MCPH1: variants seen among roughly 807,000 people sequenced by gnomAD.
The protein encoded by MCPH1 is microcephalin 1.
MCPH1 carries 104 observed loss-of-function variants against 84.5 expected under a neutral mutation model. The ratio of observed to expected loss-of-function variants is 1.23; its 90% CI spans 1.05 to 1.45. The LOEUF (loss-of-function observed/expected upper bound fraction) is 1.45, where lower values mean the gene tolerates loss of function less well. Ranked by LOEUF, MCPH1 falls within the 40% of genes most tolerant of loss-of-function variation. The pLI, the probability that MCPH1 is intolerant of heterozygous loss-of-function variation, is 0.00. For missense variants in MCPH1, 1,498 were observed against 1,005.7 expected (o/e 1.49, Z -6.62); for synonymous variants, 514 against 366.8 (o/e 1.40, Z -4.58).
chr8:6,554,395 T>C (rs1476579555), intron 12 of MCPH1, among the ~76,000 whole-genome samples: 1 of 152,110 alleles, frequency 6.6e-6, no homozygotes, highest in African/African-American at 2.4e-5. Context: ...ATGATTATAA[T>C]TTATCAGCCC....
At chr8:6,563,846 C>T (rs1004622215) in intron 12 of MCPH1, among the ~76,000 whole-genome samples, 4 of 152,102 alleles carry the variant, frequency 2.6e-5, no homozygotes, top group Non-Finnish European at 4.4e-5. Context: ...AGTTTCTGAG[C>T]TCTGACCTTT....
intron 12 of MCPH1, among the ~76,000 whole-genome samples, chr8:6,605,439 G>C (rs922577440): frequency 1.3e-5 from 2 of 152,210 alleles, no homozygotes; most frequent in African/African-American, 4.8e-5. Context: ...TGCGATGGGA[G>C]TTTGCATTTT....
At chr8:6,432,431 C>A (rs1801982739) in intron 4 of MCPH1, among the ~76,000 whole-genome samples, 1 of 152,140 alleles carries the variant, frequency 6.6e-6, no homozygotes, top group Admixed American at 6.5e-5. Flanking sequence ...CTGGAACTTG[C>A]AGATACAGAG....
At chr8:6,538,568 C>G (rs112171365) in intron 12 of MCPH1, among the ~76,000 whole-genome samples, 1 of 152,204 alleles carries the variant, frequency 6.6e-6, no homozygotes, top group African/African-American at 2.4e-5. Context: ...GCTGTCCCAG[C>G]TGCCCAGCGG....
intron 13 of MCPH1, among the ~76,000 whole-genome samples, chr8:6,639,482 A>C (rs536071598): frequency 3.3e-5 from 5 of 152,068 alleles, no homozygotes; most frequent in Non-Finnish European, 7.4e-5. Context: ...GCAACATAGA[A>C]AGACCGTGTC....
At chr8:6,409,470 G>T (rs1798234043) in intron 2 of MCPH1, 100 bp downstream of exon 2, 3 of 977,522 alleles carry the variant, frequency 3.1e-6, no homozygotes, top group Non-Finnish European at 4.9e-6. Flanking sequence ...CTTAGAATCT[G>T]GACGAAGCAA....
chr8:6,492,185 G>A (rs917605221), intron 11 of MCPH1, among the ~76,000 whole-genome samples: 6 of 152,196 alleles, frequency 3.9e-5, no homozygotes, highest in Admixed American at 6.5e-5. Context: ...GGTGTGTGAT[G>A]GTATCTCATT....
chr8:6,505,771 A>G (rs1813517468), intron 12 of MCPH1, among the ~76,000 whole-genome samples: 2 of 132,832 alleles, frequency 1.5e-5, no homozygotes, highest in Admixed American at 8.0e-5. Flanking sequence ...TAGAATATAT[A>G]TATTCTTTAT....
chr8:6,528,460 G>C (rs1355616537), intron 12 of MCPH1, among the ~76,000 whole-genome samples: 4 of 152,094 alleles, frequency 2.6e-5, no homozygotes, highest in Non-Finnish European at 5.9e-5. Flanking sequence ...TTTTAGCCTG[G>C]GATTTCCTCA....
chr8:6,447,033 A>C, intron 8 of MCPH1: 1 of 985,256 alleles, frequency 1.0e-6, no homozygotes. Flanking sequence ...GCCCGGGTGC[A>C]AGAAAACATT....
chr8:6,532,444 T>A, intron 12 of MCPH1: 1 of 1,614,070 alleles, frequency 6.2e-7, no homozygotes, highest in Non-Finnish European at 8.5e-7. Flanking sequence ...CTGCTGTATC[T>A]CTACCATTTC....
chr8:6,601,764 C>G lies in MCPH1; in HGVS notation c.2215-19690C>G, dbSNP rs540660582. On this transcript the variant is annotated intron_variant, in intron 12 of 13. Transcript: ENST00000344683. ...CATATACCCACACCACACACACACA[C>G]ACACCCAATCACGTACCACATATAC... Among the ~76,000 whole-genome samples the G allele has an allele frequency of 2.2e-3, 327 of 151,352 alleles. 31 individuals are homozygous for G. Among genetic ancestry groups the G allele is most frequent in the African/African-American group, 7.6e-3 (314 of 41,316 alleles).
intron 12 of MCPH1, among the ~76,000 whole-genome samples, chr8:6,542,105 T>C (rs1388901131): frequency 6.6e-6 from 1 of 151,684 alleles, no homozygotes; most frequent in Non-Finnish European, 1.5e-5. Context: ...TAGGCTACAA[T>C]ATACCAGGAA....
At chr8:6,530,405 A>G (rs1308936260) in intron 12 of MCPH1, among the ~76,000 whole-genome samples, 2 of 150,234 alleles carry the variant, frequency 1.3e-5, no homozygotes, top group Non-Finnish European at 3.0e-5. Context: ...GCTACGCGGG[A>G]GGCTAAGGCA....
chr8:6,480,914 G>A, intron 11 of MCPH1, 38 bp downstream of exon 11: 3 of 1,609,146 alleles, frequency 1.9e-6, no homozygotes, highest in Non-Finnish European at 2.5e-6. Context: ...TTAAAACAAG[G>A]CATTTTGATA....
chr8:6,555,427 G>T (rs1355298787), intron 12 of MCPH1, among the ~76,000 whole-genome samples: 3 of 151,108 alleles, frequency 2.0e-5, no homozygotes, highest in Admixed American at 6.6e-5. Context: ...ACTTCCTCTT[G>T]GTTATAACAT....
chr8:6,523,088 C>G (rs913529424), intron 12 of MCPH1, among the ~76,000 whole-genome samples: 1 of 152,018 alleles, frequency 6.6e-6, no homozygotes, highest in Admixed American at 6.5e-5. Context: ...ACCTTCACCT[C>G]CCAGGTTCAA....
At chr8:6,505,261 T>C (rs374763293) in intron 12 of MCPH1, among the ~76,000 whole-genome samples, 4,676 of 116,250 alleles carry the variant, frequency 0.04, 951 homozygotes, top group African/African-American at 0.11. Flanking sequence ...TTATATATGT[T>C]TTATATATAT....
intron 3 of MCPH1, among the ~76,000 whole-genome samples, chr8:6,430,066 A>G (rs1801619358): frequency 6.6e-6 from 1 of 152,228 alleles, no homozygotes; most frequent in African/African-American, 2.4e-5. Flanking sequence ...CTCTGCTTCC[A>G]GATGGAAGAT....
Sources: gnomAD v4.1 joint callset for allele counts (sites outside exome capture counted in the v4.1 genomes callset) on GRCh38, gnomAD v4.1.1 for gene constraint, MANE v1.5 for transcripts, NCBI Gene and HGNC (gene_info 2026-07-23, HGNC 2026-07-21) for gene names.